Variants in MYT1 observed in about 807,000 individuals in gnomAD.
MYT1 encodes the protein myelin transcription factor 1.
Under a neutral mutation model 123.0 loss-of-function variants are expected in MYT1, and 23 were observed. That is an observed-to-expected ratio of 0.19 (90% CI 0.13 to 0.26). The LOEUF (loss-of-function observed/expected upper bound fraction) is 0.26, where lower values mean the gene tolerates loss of function less well. MYT1 is among the 10% of genes least tolerant of loss of function. MYT1 has a pLI of 1.00. For synonymous variants in MYT1, 518 were observed against 575.3 expected (o/e 0.90, Z 1.43); for missense variants, 1,125 against 1,472.5 (o/e 0.76, Z 3.86).
rs1440064487 is a variant in MYT1, at chr20:64,202,042, C to G, written c.86+2120C>G. On this transcript the variant is annotated intron_variant, in intron 4 of 22. Transcript: ENST00000328439. The surrounding 1 kb of genome is among the most constrained non-coding windows in gnomAD (Gnocchi z 5.0). Reference sequence around the variant, plus strand: ...TCGCGTGTCGGGAACCCCCGCGTGTCGGGAACCTCTGCGTGTCGGGAACCC... The same window carrying G: ...TCGCGTGTCGGGAACCCCCGCGTGTGGGGAACCTCTGCGTGTCGGGAACCC... 2.0e-5 allele frequency among the ~76,000 whole-genome samples: 3 copies of G among 151,266 alleles called. No homozygotes were observed. The highest frequency in any genetic ancestry group is 4.4e-5 in the Non-Finnish European group (3 of 67,734).
intron 16 of MYT1, among the ~76,000 whole-genome samples, chr20:64,225,192 C>A (rs2320359): frequency 0.3 from 45,472 of 151,966 alleles, 6,827 homozygotes; most frequent in South Asian, 0.33. Flanking sequence ...TGGTGGTCTC[C>A]CCCCGCCACG....
rs184759 is a variant in MYT1, at chr20:64,227,984, A to G, written c.2675+13A>G. On this transcript the variant is annotated intron_variant, in intron 18 of 22. Coordinates refer to ENST00000328439, the MANE Select transcript of MYT1 (RefSeq NM_004535.3). The stretch of plus-strand genomic sequence containing the variant: ...CCGAGCTGATGAAGTACGTTGGGCC[A>G]TGCTGGCTCTTTCATTGCATTGCGG... The G allele has an allele frequency of 3.8e-3, 6,135 of 1,612,970 alleles. 217 individuals are homozygous for G. In the African/African-American group the frequency reaches 0.073, roughly 19 times the overall value.
At chr20:64,204,418 G>C (rs1306613863) in intron 4 of MYT1, among the ~76,000 whole-genome samples, 1 of 152,182 alleles carries the variant, frequency 6.6e-6, no homozygotes, top group African/African-American at 2.4e-5. Flanking sequence ...GATGCTGTTG[G>C]TTCCTGGTTC....
Position 64,211,622 on chromosome 20 carries a change from G to A in MYT1, c.1426+282G>A, listed in dbSNP as rs150591304. Among the ~76,000 whole-genome samples the A allele has an allele frequency of 4.5e-3, 692 of 152,384 alleles. 4 individuals are homozygous for A. Among genetic ancestry groups the A allele is most frequent in the Non-Finnish European group, 7.2e-3 (492 of 68,048 alleles). Reference sequence around the variant, plus strand: ...TAACAGATCGATGGGAGGGGGACAGGCTAGTGCCATCCAAGCTGGGAAGGG... The same window carrying A: ...TAACAGATCGATGGGAGGGGGACAGACTAGTGCCATCCAAGCTGGGAAGGG... On this transcript the variant is annotated intron_variant, in intron 8 of 22. Coordinates refer to ENST00000328439, the MANE Select transcript of MYT1 (RefSeq NM_004535.3).
rs1555812039 is a variant in MYT1, at chr20:64,202,071, T to TCGGGAACCCCCGC, written c.86+2149_86+2150insCGGGAACCCCCGC. Among the ~76,000 whole-genome samples, 3 of 117,114 alleles carry TCGGGAACCCCCGC rather than the reference T, an allele frequency of 2.6e-5. No individual in the cohort carries two copies. Among genetic ancestry groups the TCGGGAACCCCCGC allele is most frequent in the African/African-American group, 1.1e-4 (3 of 27,698 alleles). 76.8% of individuals were successfully genotyped at this position (117,114 alleles called of 152,430 possible). Reference sequence around the variant, plus strand: ...AACCTCTGCGTGTCGGGAACCCCTGTGTGCAGGACTTTCTCTGTGGATGAC... The same window carrying TCGGGAACCCCCGC: ...AACCTCTGCGTGTCGGGAACCCCTGTCGGGAACCCCCGCGTGCAGGACTTTCTCTGTGGATGAC... On this transcript the variant is annotated intron_variant, in intron 4 of 22. Transcript: ENST00000328439. The surrounding 1 kb of genome is among the most constrained non-coding windows in gnomAD (Gnocchi z 5.0).
At chr20:64,200,030 G>A in intron 4 of MYT1, 108 bp downstream of exon 4, 1 of 1,325,182 alleles carries the variant, frequency 7.5e-7, no homozygotes, top group Non-Finnish European at 1.1e-6. Flanking sequence ...AACACCCCTG[G>A]TGAGCCCCTG....
At chr20:64,223,249 C>T in intron 15 of MYT1, 42 bp from the exon 16 acceptor site, 1 of 1,613,632 alleles carries the variant, frequency 6.2e-7, no homozygotes, top group Non-Finnish European at 8.5e-7. Context: ...CCTCTGCTCT[C>T]CCTCTTTGGC....
intron 1 of MYT1, among the ~76,000 whole-genome samples, chr20:64,172,741 CTTTTTTTTTTTT>C (rs33943131): frequency 1.2e-4 from 11 of 95,558 alleles, no homozygotes; most frequent in Admixed American, 3.8e-4. Flanking sequence ...GCCATACCCT[CTTTTTTTTTTTT>C]TTTTTTTTTT....
At chr20:64,176,316 C>T (rs6011319) in intron 1 of MYT1, among the ~76,000 whole-genome samples, 2,423 of 29,172 alleles carry the variant, frequency 0.083, 8 homozygotes, top group African/African-American at 0.12. Context: ...TGTGTCCATT[C>T]CCCCTCCCTG....
chr20:64,239,172 C>T (rs1333036600), intron 21 of MYT1, among the ~76,000 whole-genome samples: 1 of 152,220 alleles, frequency 6.6e-6, no homozygotes, highest in Non-Finnish European at 1.5e-5. Flanking sequence ...AGGTTCACCG[C>T]CATGGTGGGG....
Position 64,218,874 on chromosome 20 carries a change from A to G in MYT1, c.1847-37A>G. On this transcript the variant is annotated intron_variant, in intron 11 of 22. Transcript: ENST00000328439. This position sits in a 1 kb window ranked among gnomAD's most constrained non-coding sequence, Gnocchi z 4.0. ...CTCTTCCCCCAGGCACAGCCCCTCC[A>G]GTAGTTATGTGAGGAGCACTTCATC... 2 of 1,612,564 alleles carry G rather than the reference A, an allele frequency of 1.2e-6. No homozygotes were observed. Among genetic ancestry groups the G allele is most frequent in the Non-Finnish European group, 1.7e-6 (2 of 1,179,962 alleles).
intron 10 of MYT1, among the ~76,000 whole-genome samples, 165 bp from the exon 11 acceptor site, chr20:64,216,902 G>A (rs530024801): frequency 6.6e-6 from 1 of 152,310 alleles, no homozygotes; most frequent in South Asian, 2.1e-4. Context: ...GTGGAACTCT[G>A]CCCAGCTTTA....
In MYT1 at chr20:64,218,833, A is replaced by T. The variant is rs762949420; in HGVS notation, c.1847-78A>T. 1 of 1,602,328 alleles carries T rather than the reference A, an allele frequency of 6.2e-7. No individual in the cohort carries two copies. ...TGGTGTTGTTCCCTTTTTGCAGCCA[A>T]ACCTTTCCCAAAGGCCTCTTCCCCC... On this transcript the variant is annotated intron_variant, in intron 11 of 22. Coordinates refer to ENST00000328439, the MANE Select transcript of MYT1 (RefSeq NM_004535.3). The surrounding 1 kb of genome is among the most constrained non-coding windows in gnomAD (Gnocchi z 4.0).
intron 2 of MYT1, among the ~76,000 whole-genome samples, chr20:64,194,840 T>G (rs1983061078): frequency 6.6e-6 from 1 of 152,194 alleles, no homozygotes; most frequent in African/African-American, 2.4e-5. Flanking sequence ...GTCTACCATT[T>G]CCCCTTAGAG....
At chr20:64,239,028 C>T (rs963888835) in intron 21 of MYT1, among the ~76,000 whole-genome samples, 14 of 152,372 alleles carry the variant, frequency 9.2e-5, no homozygotes, top group East Asian at 1.9e-4. Flanking sequence ...GAGCTCCCCA[C>T]TCCTGCCTCG....
Position 64,192,308 on chromosome 20 carries a change from G to A in MYT1, c.-1+2148G>A, listed in dbSNP as rs1234871345. On this transcript the variant is annotated intron_variant, in intron 2 of 22. Coordinates refer to ENST00000328439, the MANE Select transcript of MYT1 (RefSeq NM_004535.3). The surrounding 1 kb of genome is among the most constrained non-coding windows in gnomAD (Gnocchi z 5.3). ...GAAAAGTGTGCCAGAGAAGGCGAGA[G>A]GATGAGAAAGGGTCGACTGCCTAGA... Among the ~76,000 whole-genome samples the A allele has an allele frequency of 6.6e-6, 1 of 152,210 alleles. No individual in the cohort carries two copies. Among genetic ancestry groups the A allele is most frequent in the African/African-American group, 2.4e-5 (1 of 41,450 alleles).
At chr20:64,204,366 A>G (rs1323011860) in intron 4 of MYT1, among the ~76,000 whole-genome samples, 2 of 152,126 alleles carry the variant, frequency 1.3e-5, no homozygotes, top group African/African-American at 4.8e-5. Context: ...CCCCTCCCCA[A>G]ACTGCCCTTC....
chr20:64,209,031 T>C (rs1442344153), intron 7 of MYT1, among the ~76,000 whole-genome samples: 1 of 152,078 alleles, frequency 6.6e-6, no homozygotes, highest in Non-Finnish European at 1.5e-5. Context: ...AGGGGAGCCA[T>C]CCCCTGATCG....
rs1983715836 is a variant in MYT1 at position 64,212,656 on chromosome 20, T to C, written c.1517+518T>C. The stretch of plus-strand genomic sequence containing the variant: ...CTGCACACTGGCTCTTGCTCCTGAG[T>C]GGGAAGGGCAGACATGAACAGTAAC... On this transcript the variant is annotated intron_variant, in intron 9 of 22. Coordinates refer to ENST00000328439, the MANE Select transcript of MYT1 (RefSeq NM_004535.3). The surrounding 1 kb of genome is among the most constrained non-coding windows in gnomAD (Gnocchi z 6.8). Among the ~76,000 whole-genome samples the C allele has an allele frequency of 6.6e-6, 1 of 152,046 alleles. No homozygotes were observed. Among genetic ancestry groups the C allele is most frequent in the Admixed American group, 6.5e-5 (1 of 15,268 alleles).
Sources: allele counts gnomAD v4.1 joint callset (sites outside exome capture counted in the v4.1 genomes callset), GRCh38; gene constraint gnomAD v4.1.1; non-coding constraint Gnocchi (gnomAD v3.1); transcripts MANE v1.5; gene names NCBI Gene and HGNC (gene_info 2026-07-23, HGNC 2026-07-21).